Variants in TM6SF1 observed in about 807,000 individuals in gnomAD.
The protein encoded by TM6SF1 is transmembrane 6 superfamily member 1.
TM6SF1 carries 43 observed loss-of-function variants against 47.1 expected under a neutral mutation model. That is an observed-to-expected ratio of 0.91 (90% CI 0.72 to 1.18). The LOEUF (loss-of-function observed/expected upper bound fraction) is 1.18. Ranked by LOEUF, TM6SF1 falls within the 50% of genes most tolerant of loss-of-function variation. The pLI is 0.00. For synonymous variants in TM6SF1, 177 were observed against 166.3 expected, an observed-to-expected ratio of 1.06 and a Z score of -0.49; for missense variants, 390 against 449.0, an observed-to-expected ratio of 0.87 and a Z score of 1.19.
At chr15:83,133,427 T>C (rs568073157) in intron 9 of TM6SF1, 1 of 152,226 alleles carries the variant, frequency 6.6e-6, no homozygotes, top group East Asian at 1.9e-4. Context: ...GCTCTTAAAA[T>C]TTAACCTTTG....
intron 4 of TM6SF1, 25 bp from the exon 5 acceptor site, chr15:83,121,896 G>A (rs951730974): frequency 1.3e-6 from 2 of 1,565,118 alleles, no homozygotes; most frequent in African/African-American, 2.7e-5. Context: ...ACCAAGTCAA[G>A]ATTTTTTTGT....
chr15:83,117,175 A>T (rs1029837445), intron 3 of TM6SF1, among the ~76,000 whole-genome samples: 5 of 152,096 alleles, frequency 3.3e-5, no homozygotes, highest in African/African-American at 7.2e-5. Flanking sequence ...TGGACCAGGG[A>T]GGTAGGGGGA....
intron 7 of TM6SF1, among the ~76,000 whole-genome samples, chr15:83,126,350 T>A (rs2035751316): frequency 1.3e-5 from 2 of 152,206 alleles, no homozygotes; most frequent in African/African-American, 2.4e-5. Context: ...GACAGGAAGG[T>A]GCTATTTTCA....
chr15:83,125,027 TA>T (rs999207861), intron 7 of TM6SF1, among the ~76,000 whole-genome samples: 4 of 152,172 alleles, frequency 2.6e-5, no homozygotes, highest in African/African-American at 7.2e-5. Flanking sequence ...TTAGGGCATC[TA>T]AAAAATCAGC....
At chr15:83,126,243 C>A (rs995227557) in intron 7 of TM6SF1, among the ~76,000 whole-genome samples, 15 of 152,174 alleles carry the variant, frequency 9.9e-5, no homozygotes, top group African/African-American at 3.6e-4. Flanking sequence ...TCAGAGGGGA[C>A]CTAGTAAAGT....
At chr15:83,128,710 C>T (rs1596519027) in intron 9 of TM6SF1, 1 of 152,176 alleles carries the variant, frequency 6.6e-6, no homozygotes, top group East Asian at 1.9e-4. Flanking sequence ...CTCCCCACAA[C>T]CTCTCTTCCA....
chr15:83,135,076 C>T (rs1245462653), intron 9 of TM6SF1: 3 of 152,192 alleles, frequency 2.0e-5, no homozygotes, highest in African/African-American at 4.8e-5. Context: ...AGACAATCCA[C>T]GTGCTGGTCC....
chr15:83,115,161 A>C (rs1567135490), intron 2 of TM6SF1: 1 of 155,794 alleles, frequency 6.4e-6, no homozygotes. Flanking sequence ...TCTGTCGCCC[A>C]GGCTGGAGTG....
Position 83,115,841 on chromosome 15 carries a change from C to T in TM6SF1, c.197-4C>T. The T allele has an allele frequency of 6.2e-7, 1 of 1,609,558 alleles. No individual in the cohort carries two copies. The highest frequency in any genetic ancestry group is 8.5e-7 in the Non-Finnish European group (1 of 1,175,848). On this transcript the variant is annotated splice_polypyrimidine_tract_variant and splice_region_variant and intron_variant, in intron 2 of 9. Transcript: ENST00000322019. ...TTTTTAAACTGCTGCTTTCTTTGCT[C>T]TAGTGTATGCAGTTTTTGGATTTAC...
intron 6 of TM6SF1, among the ~76,000 whole-genome samples, chr15:83,124,064 A>G (rs1017024359): frequency 1.3e-5 from 2 of 152,234 alleles, no homozygotes; most frequent in East Asian, 1.9e-4. Context: ...TAAGTATAAC[A>G]GTGAAAAATG....
At chr15:83,111,679 C>G in intron 1 of TM6SF1, 1 of 985,366 alleles carries the variant, frequency 1.0e-6, no homozygotes, top group Non-Finnish European at 1.2e-6. Context: ...TGAAGAGGTC[C>G]TGGTGTAGCA....
chr15:83,127,045 C>G (rs991764996), intron 8 of TM6SF1, among the ~76,000 whole-genome samples, 198 bp downstream of exon 8: 3 of 151,904 alleles, frequency 2.0e-5, no homozygotes, highest in Non-Finnish European at 4.4e-5. Context: ...ATACAAAAAA[C>G]TAGCCGGGCA....
intron 1 of TM6SF1, chr15:83,111,477 C>A: frequency 4.0e-6 from 1 of 248,872 alleles, no homozygotes; most frequent in Non-Finnish European, 6.4e-6. Flanking sequence ...ATCATCCATC[C>A]AACCATTCAC....
At chr15:83,115,475 TG>T in intron 2 of TM6SF1, 1 of 381,488 alleles carries the variant, frequency 2.6e-6, no homozygotes, top group East Asian at 6.6e-5. Context: ...ACTCAGTTAC[TG>T]GCTTTGCTCC....
intron 1 of TM6SF1, chr15:83,108,005 T>C (rs2033820750): frequency 8.0e-6 from 7 of 870,272 alleles, no homozygotes; most frequent in Non-Finnish European, 1.1e-5. Flanking sequence ...TTCGGGATGT[T>C]GGTGCCAGCA....
intron 1 of TM6SF1, among the ~76,000 whole-genome samples, chr15:83,112,475 TG>T (rs1381754914): frequency 6.6e-6 from 1 of 151,990 alleles, no homozygotes; most frequent in Non-Finnish European, 1.5e-5. Context: ...GTGGAGGCAG[TG>T]GGGCAGTGGC....
Position 83,126,811 on chromosome 15 carries a change from C to T in TM6SF1, c.765C>T (p.Pro255=). Residue 255 remains proline (P), a synonymous_variant, in exon 8 of 10, where the codon CCC becomes CCT. Coordinates refer to ENST00000322019, the MANE Select transcript of TM6SF1 (RefSeq NM_023003.5). ...GATTATATACGCAATTTCAAGAGCC[C>T]TATCTAAAGGATCCTGCTGCTTATC... ...LCRLYTQFQE[P]YLKDPAAYPK... is the part of the protein sequence containing the mutation. 6.2e-7 allele frequency: 1 copy of T among 1,613,978 alleles called. No individual in the cohort carries two copies. The highest frequency in any genetic ancestry group is 8.5e-7 in the Non-Finnish European group (1 of 1,179,932).
At chr15:83,110,279 C>T (rs1428464327) in intron 1 of TM6SF1, among the ~76,000 whole-genome samples, 1 of 152,076 alleles carries the variant, frequency 6.6e-6, no homozygotes, top group Non-Finnish European at 1.5e-5. Context: ...GCATCAGCAG[C>T]CCTTCCCACC....
chr15:83,136,974 T>C lies in TM6SF1; in HGVS notation c.*302T>C. 4.8e-6 allele frequency: 1 copy of C among 207,422 alleles called. No individual in the cohort carries two copies. The highest frequency in any genetic ancestry group is 9.7e-6 in the Non-Finnish European group (1 of 102,702). 12.8% of individuals were successfully genotyped at this position (207,422 alleles called of 1,614,324 possible). A position where few individuals can be genotyped will look rare whatever the true frequency, so the allele number is the denominator to read the frequency against. ...ATAAGTGTAAAAAATTACAATTTAG[T>C]GCCAACAGTAGTGAGCATGAAATGA... is the stretch of plus-strand genomic sequence containing the variant. On this transcript the variant is annotated 3_prime_UTR_variant, in exon 10 of 10. Coordinates refer to ENST00000322019, the MANE Select transcript of TM6SF1 (RefSeq NM_023003.5).
Sources: gnomAD v4.1 joint callset for allele counts (sites outside exome capture counted in the v4.1 genomes callset) on GRCh38, gnomAD v4.1.1 for gene constraint, MANE v1.5 for transcripts, NCBI Gene and HGNC (gene_info 2026-07-23, HGNC 2026-07-21) for gene names.